NAB1: variants seen among roughly 807,000 people sequenced by gnomAD.
The protein encoded by NAB1 is NGFI-A binding protein 1.
NAB1 carries 25 observed loss-of-function variants against 49.9 expected under a neutral mutation model. That is an observed-to-expected ratio of 0.50 (90% CI 0.37 to 0.70). The LOEUF (loss-of-function observed/expected upper bound fraction) is 0.70, where lower values mean the gene tolerates loss of function less well. Among genes scored for constraint, NAB1 ranks in the 30% least tolerant of loss-of-function variants. NAB1 has a pLI of 0.00. For missense variants in NAB1, 489 were observed against 575.9 expected, an observed-to-expected ratio of 0.85 and a Z score of 1.54; for synonymous variants, 198 against 215.6, an observed-to-expected ratio of 0.92 and a Z score of 0.71.
rs1473721764 is a variant in NAB1 at position 190,652,599 on chromosome 2, C to T, written c.-197+2617C>T. 2.6e-5 allele frequency among the ~76,000 whole-genome samples: 4 copies of T among 152,000 alleles called. No homozygotes were observed. The highest frequency in any genetic ancestry group is 1.5e-5 in the Non-Finnish European group (1 of 67,984). On this transcript the variant is annotated intron_variant, in intron 2 of 9. Transcript: ENST00000337386. The surrounding 1 kb of genome is among the most constrained non-coding windows in gnomAD (Gnocchi z 4.2). ...ATTCATTCCATTCAGAATTTAGAAACGAATCAATAAGAGACAACATTTTAA... is the reference window on the plus strand; with the variant it reads ...ATTCATTCCATTCAGAATTTAGAAATGAATCAATAAGAGACAACATTTTAA...
At chr2:190,662,531 G>A (rs1694279541) in intron 4 of NAB1, among the ~76,000 whole-genome samples, 1 of 152,036 alleles carries the variant, frequency 6.6e-6, no homozygotes, top group East Asian at 1.9e-4. Flanking sequence ...AGGTGCCAAG[G>A]GACAAACCCA....
intron 2 of NAB1, among the ~76,000 whole-genome samples, chr2:190,650,894 G>C (rs543425779): frequency 2.0e-5 from 3 of 152,134 alleles, no homozygotes; most frequent in Admixed American, 1.3e-4. Flanking sequence ...CCTGATTTGG[G>C]TATTAGATAT....
At position 190,675,132 on chromosome 2, in the gene NAB1, G is replaced by A. The variant is rs1173201648; in HGVS notation, c.1005+1980G>A. Among the ~76,000 whole-genome samples, 1 of 152,192 alleles carries A rather than the reference G, an allele frequency of 6.6e-6. No individual in the cohort carries two copies. Among genetic ancestry groups the A allele is most frequent in the Non-Finnish European group, 1.5e-5 (1 of 68,030 alleles). On this transcript the variant is annotated intron_variant, in intron 6 of 9. Transcript: ENST00000337386. The surrounding 1 kb of genome is among the most constrained non-coding windows in gnomAD (Gnocchi z 5.2). ...AGGTGAACATAGAAACTGCTAAGAA[G>A]GCATGTGCCATTGGAGGATTGAGAG...
chr2:190,662,960 T>A (rs1183346045), intron 4 of NAB1, among the ~76,000 whole-genome samples: 1 of 152,176 alleles, frequency 6.6e-6, no homozygotes, highest in African/African-American at 2.4e-5. Flanking sequence ...GTTTCCATTA[T>A]AGTGCTGAGA....
At position 190,659,173 on chromosome 2, in the gene NAB1, A is replaced by C; in HGVS notation, c.-4A>C. The C allele has an allele frequency of 6.2e-7, 1 of 1,601,076 alleles. No homozygotes were observed. Among genetic ancestry groups the C allele is most frequent in the Non-Finnish European group, 8.5e-7 (1 of 1,172,068 alleles). On this transcript the variant is annotated 5_prime_UTR_variant, in exon 4 of 10. Coordinates refer to ENST00000337386, the MANE Select transcript of NAB1 (RefSeq NM_005966.4). This position sits in a 1 kb window ranked among gnomAD's most constrained non-coding sequence, Gnocchi z 6.2. ...TTTTTGGCAGGTTAAACCCATCCAG[A>C]GTAATGGCTGCGGCCTTACCCAGGA...
Position 190,683,730 on chromosome 2 carries a change from A to G in NAB1, c.1006-8A>G. The G allele has an allele frequency of 6.2e-7, 1 of 1,602,950 alleles. No individual in the cohort carries two copies. The highest frequency in any genetic ancestry group is 8.5e-7 in the Non-Finnish European group (1 of 1,174,196). ...CTAAATATAAAGGACTTCTTATTTG[A>G]CCCACAGGATGGGTTTCCAGATTTC... is the stretch of plus-strand genomic sequence containing the variant. On this transcript the variant is annotated splice_region_variant and splice_polypyrimidine_tract_variant and intron_variant, in intron 6 of 9. Coordinates refer to ENST00000337386, the MANE Select transcript of NAB1 (RefSeq NM_005966.4).
rs914044747 is a variant in NAB1, at chr2:190,686,353, T to G, written c.1258+715T>G. On this transcript the variant is annotated intron_variant, in intron 8 of 9. Coordinates refer to ENST00000337386, the MANE Select transcript of NAB1 (RefSeq NM_005966.4). The surrounding 1 kb of genome is among the most constrained non-coding windows in gnomAD (Gnocchi z 5.5). ...CTAGTTTCAAATAGTAATAAGTGTT[T>G]GAAGAAAAAAAATAATTTTATAGTG... Among the ~76,000 whole-genome samples, 1 of 152,138 alleles carries G rather than the reference T, an allele frequency of 6.6e-6. No homozygotes were observed. The highest frequency in any genetic ancestry group is 6.5e-5 in the Admixed American group (1 of 15,274).
In NAB1 at chr2:190,663,317, A is replaced by C. The variant is rs1260949350; in HGVS notation, c.819+3322A>C. Among the ~76,000 whole-genome samples the C allele has an allele frequency of 6.6e-6, 1 of 152,188 alleles. No individual in the cohort carries two copies. Among genetic ancestry groups the C allele is most frequent in the East Asian group, 1.9e-4 (1 of 5,204 alleles). ...TTGACCTAATATTGATTGTACACTT[A>C]TCTCTCCTTAGCTCCTGACCAACCT... On this transcript the variant is annotated intron_variant, in intron 4 of 9. Coordinates refer to ENST00000337386, the MANE Select transcript of NAB1 (RefSeq NM_005966.4). The surrounding 1 kb of genome is among the most constrained non-coding windows in gnomAD (Gnocchi z 4.2).
chr2:190,653,072 C>A (rs1693747403), intron 2 of NAB1, among the ~76,000 whole-genome samples: 4 of 152,142 alleles, frequency 2.6e-5, no homozygotes, highest in South Asian at 4.1e-4. Context: ...AGATTGGACA[C>A]CCCTGACACA....
Position 190,678,473 on chromosome 2 carries a change from G to A in NAB1, c.1006-5265G>A, listed in dbSNP as rs1695178106. 6.6e-6 allele frequency among the ~76,000 whole-genome samples: 1 copy of A among 152,184 alleles called. No homozygotes were observed. The highest frequency in any genetic ancestry group is 2.1e-4 in the South Asian group (1 of 4,830). ...GGACTGAGTGCTATTTCTCATTTGA[G>A]TTTTCTTCATTCGCTGAAATTGCTG... On this transcript the variant is annotated intron_variant, in intron 6 of 9. Coordinates refer to ENST00000337386, the MANE Select transcript of NAB1 (RefSeq NM_005966.4). The surrounding 1 kb of genome is among the most constrained non-coding windows in gnomAD (Gnocchi z 4.9).
intron 2 of NAB1, among the ~76,000 whole-genome samples, chr2:190,655,644 C>G (rs1461027707): frequency 6.6e-6 from 1 of 152,164 alleles, no homozygotes; most frequent in Non-Finnish European, 1.5e-5. Context: ...AGGAATGGTT[C>G]TTCTTTTCTC....
In NAB1 at chr2:190,690,851, TAGAA is replaced by T. The variant is rs1295042298; in HGVS notation, c.*521_*524del. The T allele has an allele frequency of 2.6e-5, 4 of 152,650 alleles. No individual in the cohort carries two copies. The highest frequency in any genetic ancestry group is 7.2e-5 in the African/African-American group (3 of 41,444). The allele number at this position is 152,650 out of a possible 1,614,324, so 9.5% of individuals were successfully genotyped here. A position where few individuals can be genotyped will look rare whatever the true frequency, so the allele number is the denominator to read the frequency against. Reference sequence around the variant, plus strand: ...CAAGATTGCAATGATTATGGAAAAATAGAAAGCGAATACTCAGTTTAAGCCAAGG... The same window carrying T: ...CAAGATTGCAATGATTATGGAAAAATAGCGAATACTCAGTTTAAGCCAAGG... On this transcript the variant is annotated 3_prime_UTR_variant, in exon 10 of 10. Coordinates refer to ENST00000337386, the MANE Select transcript of NAB1 (RefSeq NM_005966.4).
chr2:190,683,030 A>C (rs2125840580), intron 6 of NAB1, among the ~76,000 whole-genome samples: 1 of 152,292 alleles, frequency 6.6e-6, no homozygotes, highest in East Asian at 1.9e-4. Flanking sequence ...GAAAAGAATA[A>C]AAAATGTCCA....
intron 6 of NAB1, among the ~76,000 whole-genome samples, chr2:190,681,316 T>C (rs1048963828): frequency 1.3e-5 from 2 of 152,228 alleles, no homozygotes; most frequent in African/African-American, 2.4e-5. Context: ...ACCGCTTATA[T>C]TGAAGTTGTT....
At chr2:190,687,176 C>A in intron 8 of NAB1, 25 bp from the exon 9 acceptor site, 2 of 1,409,264 alleles carry the variant, frequency 1.4e-6, no homozygotes, top group African/African-American at 1.5e-5. Context: ...TAATATTATG[C>A]ATATTTCTTT....
At chr2:190,656,916 A>G (rs941701684) in intron 3 of NAB1, among the ~76,000 whole-genome samples, 4 of 152,224 alleles carry the variant, frequency 2.6e-5, no homozygotes, top group Non-Finnish European at 5.9e-5. Flanking sequence ...TAAACCTTGC[A>G]AAGTTACAGT....
At chr2:190,688,583 A>C (rs1358201331) in intron 9 of NAB1, among the ~76,000 whole-genome samples, 2 of 152,198 alleles carry the variant, frequency 1.3e-5, no homozygotes, top group African/African-American at 2.4e-5. Context: ...ACTTTTTACC[A>C]ATTTATATTC....
At chr2:190,683,083 G>GT (rs1695427994) in intron 6 of NAB1, among the ~76,000 whole-genome samples, 2 of 151,842 alleles carry the variant, frequency 1.3e-5, no homozygotes. Context: ...TAGGTTAAAT[G>GT]TTTTTTATGT....
In NAB1 at chr2:190,675,529, C is replaced by T. The variant is rs1301913358; in HGVS notation, c.1005+2377C>T. ...CACTAGAGATACTTGAGTTATAGTT[C>T]TATACGGTTAGTTTATTGGTTTACT... On this transcript the variant is annotated intron_variant, in intron 6 of 9. Coordinates refer to ENST00000337386, the MANE Select transcript of NAB1 (RefSeq NM_005966.4). The surrounding 1 kb of genome is among the most constrained non-coding windows in gnomAD (Gnocchi z 5.2). Among the ~76,000 whole-genome samples, 1 of 152,162 alleles carries T rather than the reference C, an allele frequency of 6.6e-6. No individual in the cohort carries two copies. The highest frequency in any genetic ancestry group is 2.4e-5 in the African/African-American group (1 of 41,436).
Sources: gnomAD v4.1 joint callset for allele counts (sites outside exome capture counted in the v4.1 genomes callset) on GRCh38, gnomAD v4.1.1 for gene constraint, Gnocchi (gnomAD v3.1) non-coding constraint, MANE v1.5 for transcripts, NCBI Gene and HGNC (gene_info 2026-07-23, HGNC 2026-07-21) for gene names.